The following USP25 variants were observed in gnomAD, a reference collection of about 807,000 sequenced individuals.
USP25 encodes the protein ubiquitin carboxyl-terminal hydrolase 25.
In USP25, 85 loss-of-function variants were observed where a neutral mutation model predicts 158.5. The observed-to-expected ratio is 0.54, with a 90% CI of 0.45 to 0.64. USP25 has a LOEUF of 0.64. Ranked by LOEUF, USP25 falls within the 30% of genes least tolerant of loss-of-function variation. USP25 has a pLI of 0.00. For synonymous variants in USP25, 464 were observed against 460.4 expected (o/e 1.01, Z -0.10); for missense variants, 1,242 against 1,327.3 (o/e 0.94, Z 1.00).
intron 1 of USP25, among the ~76,000 whole-genome samples, chr21:15,752,759 T>A (rs1244215908): frequency 1.3e-5 from 2 of 152,220 alleles, no homozygotes; most frequent in African/African-American, 4.8e-5. Flanking sequence ...GACTTAAAAT[T>A]TAGAATTCTT....
chr21:15,735,964 CTG>C (rs530159084), intron 1 of USP25, among the ~76,000 whole-genome samples: 27 of 144,950 alleles, frequency 1.9e-4, no homozygotes, highest in African/African-American at 3.7e-4. Flanking sequence ...TGTCCTAAAT[CTG>C]TGTGTGTGTG....
At chr21:15,791,803 T>G (rs1412455255) in intron 5 of USP25, 139 bp downstream of exon 5, 1 of 874,362 alleles carries the variant, frequency 1.1e-6, no homozygotes, top group Non-Finnish European at 1.6e-6. Flanking sequence ...TAAACTAGCT[T>G]GGGGATTGAA....
intron 3 of USP25, among the ~76,000 whole-genome samples, chr21:15,772,338 A>C (rs1049735049): frequency 6.6e-6 from 1 of 152,168 alleles, no homozygotes; most frequent in Non-Finnish European, 1.5e-5. Flanking sequence ...AAAATGTTTT[A>C]ATTTGGACTC....
intron 1 of USP25, among the ~76,000 whole-genome samples, chr21:15,734,529 A>G (rs1386670242): frequency 6.6e-6 from 1 of 152,122 alleles, no homozygotes; most frequent in Non-Finnish European, 1.5e-5. Context: ...GTAGACTCAC[A>G]TTGTATCCAG....
chr21:15,803,935 C>G (rs1043935862), intron 6 of USP25, among the ~76,000 whole-genome samples: 1 of 151,864 alleles, frequency 6.6e-6, no homozygotes, highest in Non-Finnish European at 1.5e-5. Flanking sequence ...ACCCCCATCC[C>G]AGACCCCTAG....
At chr21:15,746,706 A>G (rs1324860594) in intron 1 of USP25, among the ~76,000 whole-genome samples, 1 of 152,048 alleles carries the variant, frequency 6.6e-6, no homozygotes, top group Non-Finnish European at 1.5e-5. Context: ...AGTGGTTTTT[A>G]GTTTTTATTC....
At chr21:15,808,190 C>T (rs779098580) in intron 7 of USP25, among the ~76,000 whole-genome samples, 1 of 152,092 alleles carries the variant, frequency 6.6e-6, no homozygotes, top group Admixed American at 6.6e-5. Flanking sequence ...TTCCAACTCA[C>T]GTTATTGAAA....
chr21:15,874,792 G>A lies in USP25; in HGVS notation c.3009+266G>A, dbSNP rs118060216. ...GTTTACATTTCTGTATTTAGATTTC[G>A]TCATCACACTACCACTCCTTTTTTT... On this transcript the variant is annotated intron_variant, in intron 24 of 25. Coordinates refer to ENST00000400183, the MANE Select transcript of USP25 (RefSeq NM_001283041.3). Among the ~76,000 whole-genome samples the A allele has an allele frequency of 9.4e-3, 1,434 of 152,174 alleles. 19 individuals carry two copies. The highest frequency in any genetic ancestry group is 0.016 in the Non-Finnish European group (1,070 of 68,010).
chr21:15,802,036 C>G (rs1437675447), intron 6 of USP25, among the ~76,000 whole-genome samples: 1 of 151,420 alleles, frequency 6.6e-6, no homozygotes, highest in Non-Finnish European at 1.5e-5. Context: ...ATCCCCTCTC[C>G]CCTCACACAG....
chr21:15,809,775 T>A (rs2036567493), intron 8 of USP25, among the ~76,000 whole-genome samples: 1 of 152,138 alleles, frequency 6.6e-6, no homozygotes, highest in African/African-American at 2.4e-5. Flanking sequence ...GGTGAATGGA[T>A]AAACAAAATG....
At chr21:15,733,729 C>T (rs2031196567) in intron 1 of USP25, among the ~76,000 whole-genome samples, 1 of 152,154 alleles carries the variant, frequency 6.6e-6, no homozygotes, top group East Asian at 1.9e-4. Context: ...GTAATCCCAG[C>T]TACTCAGGAG....
intron 20 of USP25, among the ~76,000 whole-genome samples, chr21:15,852,128 T>C (rs1334529670): frequency 6.6e-6 from 1 of 152,130 alleles, no homozygotes; most frequent in African/African-American, 2.4e-5. Flanking sequence ...GCTTTGGAGA[T>C]TGAGTCGAAT....
chr21:15,732,272 G>C (rs550166773), intron 1 of USP25, among the ~76,000 whole-genome samples: 24 of 152,214 alleles, frequency 1.6e-4, no homozygotes, highest in South Asian at 1.4e-3. Flanking sequence ...ATTTTTTTTA[G>C]AGAAACTTTT....
intron 1 of USP25, among the ~76,000 whole-genome samples, chr21:15,756,876 G>C (rs2033411439): frequency 6.6e-6 from 1 of 151,956 alleles, no homozygotes. Context: ...TACTTAACTA[G>C]AGAAAAAAAA....
At position 15,771,416 on chromosome 21, in the gene USP25, C is replaced by T. The variant is rs534143703; in HGVS notation, c.268+5275C>T. On this transcript the variant is annotated intron_variant, in intron 3 of 25. Transcript: ENST00000400183. ...TGATTTTAGGTAGTGTGGAAGAGCT[C>T]GTATTTGTACAGATACCTGAGCGAA... Among the ~76,000 whole-genome samples the T allele has an allele frequency of 3.3e-5, 5 of 152,162 alleles. No homozygotes were observed. The South Asian group carries it at 8.3e-4, about 25-fold the overall frequency.
At chr21:15,847,842 C>A in intron 19 of USP25, 66 bp downstream of exon 19, 2 of 1,049,626 alleles carry the variant, frequency 1.9e-6, no homozygotes, top group Non-Finnish European at 2.8e-6. Flanking sequence ...ATACTTTGGG[C>A]ATGCCTGCAC....
chr21:15,775,118 C>T (rs1471716141), intron 3 of USP25, among the ~76,000 whole-genome samples: 1 of 152,096 alleles, frequency 6.6e-6, no homozygotes, highest in Non-Finnish European at 1.5e-5. Flanking sequence ...TTATGATGTG[C>T]TTCATTTCTC....
chr21:15,746,969 T>G (rs371273549), intron 1 of USP25, among the ~76,000 whole-genome samples: 9 of 152,232 alleles, frequency 5.9e-5, no homozygotes, highest in African/African-American at 1.9e-4. Flanking sequence ...GCACTTCTTA[T>G]TTTGTTAAAA....
chr21:15,739,161 C>T (rs1301288431), intron 1 of USP25, among the ~76,000 whole-genome samples: 1 of 148,290 alleles, frequency 6.7e-6, no homozygotes, highest in Non-Finnish European at 1.5e-5. Flanking sequence ...TGTATAATTT[C>T]AGTTTTTGTG....
Sources: gnomAD v4.1 joint callset for allele counts (sites outside exome capture counted in the v4.1 genomes callset) on GRCh38, gnomAD v4.1.1 for gene constraint, MANE v1.5 for transcripts, NCBI Gene and HGNC (gene_info 2026-07-23, HGNC 2026-07-21) for gene names.